The following APOB variants were observed in gnomAD, a reference collection of about 807,000 sequenced individuals.
APOB encodes apolipoprotein B-100.
Under a neutral mutation model 314.1 loss-of-function variants are expected in APOB, and 153 were observed. The observed-to-expected ratio is 0.49, with a 90% CI of 0.43 to 0.56. The LOEUF is 0.56. Among genes scored for constraint, APOB ranks in the 20% least tolerant of loss-of-function variants. APOB has a pLI of 0.00. For missense variants in APOB, 5,430 were observed against 5,350.7 expected (o/e 1.01, Z -0.46); for synonymous variants, 2,087 against 2,036.4 (o/e 1.02, Z -0.67).
In APOB at chr2:21,005,790, G is replaced by A. The variant is rs776068398; in HGVS notation, c.11078C>T (p.Thr3693Ile). Residue 3693 changes from threonine to isoleucine, a missense_variant, in exon 26 of 29, where the codon ACC becomes ATC. Coordinates refer to ENST00000233242, the MANE Select transcript of APOB (RefSeq NM_000384.3). The stretch of plus-strand genomic sequence containing the variant: ...ATGCTGTCTCCTACCAATGCTGGTG[G>A]TTACATCCAGCTTTAGGAAATCCCA... ...SLWDFLKLDV[T>I]TSIGRRQHLR... The A allele has an allele frequency of 1.2e-6, 2 of 1,614,016 alleles. No individual in the cohort carries two copies. Among genetic ancestry groups the A allele is most frequent in the South Asian group, 2.2e-5 (2 of 91,074 alleles).
In APOB at chr2:21,007,082, T is replaced by A. The variant is rs1572779424; in HGVS notation, c.9786A>T (p.Pro3262=). The change falls in exon 26 of 29, where the codon CCA becomes CCT. Residue 3262 remains proline, a synonymous_variant. Transcript: ENST00000233242. ...TVPVVNVEVS[P]FTIEMSAFGY... is the part of the protein sequence containing the mutation. ...CGAATGCCGACATCTCTATGGTGAA[T>A]GGAGACACTTCAACATTGACAACTG... 6.2e-7 allele frequency: 1 copy of A among 1,614,032 alleles called. No homozygotes were observed. The highest frequency in any genetic ancestry group is 8.5e-7 in the Non-Finnish European group (1 of 1,179,942).
At position 21,005,886 on chromosome 2, in the gene APOB, A is replaced by G. The variant is rs377425803; in HGVS notation, c.10982T>C (p.Ile3661Thr). 1.7e-5 allele frequency: 27 copies of G among 1,613,890 alleles called. 1 individual carries two copies. Among genetic ancestry groups the G allele is most frequent in the Non-Finnish European group, 2.2e-5 (26 of 1,179,966 alleles). ...SNDQEKAHLD[I>T]AGSLEGHLRF... ...TAGGTGTCCTTCTAAGGATCCTGCA[A>G]TGTCAAGGTGTGCCTTTTCTTGGTC... The change falls in exon 26 of 29, where the codon ATT becomes ACT. Residue 3661 changes from isoleucine to threonine, a missense_variant. Physicochemically the swap from Ile to Thr is moderately conservative, Grantham distance 89. Coordinates refer to ENST00000233242, the MANE Select transcript of APOB (RefSeq NM_000384.3).
In APOB at chr2:21,009,950, T is replaced by G. The variant is rs764563895; in HGVS notation, c.6918A>C (p.Ser2306=). The G allele has an allele frequency of 3.7e-6, 6 of 1,613,802 alleles. No homozygotes were observed. The South Asian group carries it at 6.6e-5, about 18-fold the overall frequency. Residue 2306 remains serine, a synonymous_variant, in exon 26 of 29, where the codon TCA becomes TCC. Coordinates refer to ENST00000233242, the MANE Select transcript of APOB (RefSeq NM_000384.3). The part of the protein sequence containing the change: ...VLLDQLGTTI[S]FERINDILEH... ...CAAGAATGTCATTTATTCTTTCAAA[T>G]GAAATTGTAGTTCCCAATTGATCTA...
Position 21,043,762 on chromosome 2 carries a change from T to A in APOB, c.82+102A>T. ...ATCCCCCCACTCGCCCTGGACCCTG[T>A]GGCTGCCCTCCCTCTGGCCTAGGCC... On this transcript the variant is annotated intron_variant, in intron 1 of 28. Transcript: ENST00000233242. The A allele has an allele frequency of 2.0e-6, 3 of 1,512,404 alleles. No individual in the cohort carries two copies. In the East Asian group the frequency reaches 7.4e-5, roughly 37 times the overall value. 93.7% of individuals were successfully genotyped at this position (1,512,404 alleles called of 1,614,324 possible). A position where few individuals can be genotyped will look rare whatever the true frequency, so the allele number is the denominator to read the frequency against.
chr2:21,026,724 A>G, intron 15 of APOB, 64 bp downstream of exon 15: 1 of 1,341,618 alleles, frequency 7.5e-7, no homozygotes, highest in Non-Finnish European at 1.1e-6. Flanking sequence ...CCATGCTTAG[A>G]AAAGAATTGT....
chr2:21,003,346 G>GAAA lies in APOB; in HGVS notation c.12088-15_12088-13dup. 1.6e-6 allele frequency: 2 copies of GAAA among 1,260,210 alleles called. No individual in the cohort carries two copies. Among genetic ancestry groups the GAAA allele is most frequent in the Non-Finnish European group, 2.2e-6 (2 of 927,284 alleles). The allele number at this position is 1,260,210 out of a possible 1,614,324, so 78.1% of individuals were successfully genotyped here. On this transcript the variant is annotated splice_polypyrimidine_tract_variant and intron_variant, in intron 28 of 28. Transcript: ENST00000233242. ...TTATCTGGAGAGGACTAAACAGAGA[G>GAAA]AAAAAAAAAAATAACATGTTTTCAA...
Position 21,011,437 on chromosome 2 carries a change from T to C in APOB, c.5431A>G (p.Asn1811Asp). 2.5e-6 allele frequency: 4 copies of C among 1,614,146 alleles called. No individual in the cohort carries two copies. The highest frequency in any genetic ancestry group is 3.4e-6 in the Non-Finnish European group (4 of 1,180,034). Residue 1811 changes from asparagine (N) to aspartate (D), a missense_variant, in exon 26 of 29, where the codon AAT becomes GAT. Asn to Asp is a conservative substitution (Grantham distance 23). Coordinates refer to ENST00000233242, the MANE Select transcript of APOB (RefSeq NM_000384.3). Reference protein sequence around the residue: ...LKYNALDLTNNGKLRLEPLKL... With the variant: ...LKYNALDLTNDGKLRLEPLKL... Reference sequence around the variant, plus strand: ...AGGGGTTCTAGCCGTAGTTTCCCATTGTTGGTGAGATCCAGAGCATTGTAT... The same window carrying C: ...AGGGGTTCTAGCCGTAGTTTCCCATCGTTGGTGAGATCCAGAGCATTGTAT...
At position 21,040,899 on chromosome 2, in the gene APOB, C is replaced by T. The variant is rs551598393; in HGVS notation, c.383+39G>A. On this transcript the variant is annotated intron_variant, in intron 4 of 28. Coordinates refer to ENST00000233242, the MANE Select transcript of APOB (RefSeq NM_000384.3). ...ACACACAAGTTCATACCTCAGCGGA[C>T]ACACACACATGCGTGTGCTCATGTA... 5 of 1,604,704 alleles carry T rather than the reference C, an allele frequency of 3.1e-6. No individual in the cohort carries two copies. In the African/African-American group the frequency reaches 5.3e-5, roughly 17 times the overall value.
chr2:21,014,585 G>A lies in APOB; in HGVS notation c.3705C>T (p.Ser1235=), dbSNP rs774105545. The change falls in exon 24 of 29, where the codon AGC becomes AGT. Residue 1235 remains serine, a synonymous_variant. Transcript: ENST00000233242. ...HVGSKLIVAM[S]SWLQKASGSL... ...TCCCAGATGCCTTCTGAAGCCATGA[G>A]CTCATTGCCTACAAAATGACAGGAG... The A allele has an allele frequency of 2.5e-6, 4 of 1,614,066 alleles. No individual in the cohort carries two copies. Among genetic ancestry groups the A allele is most frequent in the Middle Eastern group, 1.7e-4 (1 of 6,060 alleles).
chr2:21,005,048 G>C, intron 26 of APOB, 32 bp downstream of exon 26: 2 of 1,608,776 alleles, frequency 1.2e-6, no homozygotes, highest in South Asian at 1.1e-5. Flanking sequence ...AAAATATACA[G>C]TATCTAGGAG....
chr2:21,033,503 C>T lies in APOB; in HGVS notation c.920G>A (p.Gly307Asp), dbSNP rs1663930819. ...GGATTTGGTGCTCTCAAATGCGAGGCCCATCTTCTTAGTACCTGGAAGATG... is the reference window on the plus strand; with the variant it reads ...GGATTTGGTGCTCTCAAATGCGAGGTCCATCTTCTTAGTACCTGGAAGATG... The part of the protein sequence containing the change: ...RFFGEGTKKM[G>D]LAFESTKSTS... Residue 307 changes from glycine (G) to aspartate (D), a missense_variant, in exon 9 of 29, where the codon GGC (glycine) becomes GAC (aspartate). This residue lies in a region of APOB where 2,085 missense variants were observed against 2,079.7 expected (regional missense o/e 1.00). Coordinates refer to ENST00000233242, the MANE Select transcript of APOB (RefSeq NM_000384.3). 1 of 1,613,888 alleles carries T rather than the reference C, an allele frequency of 6.2e-7. No individual in the cohort carries two copies. Among genetic ancestry groups the T allele is most frequent in the Admixed American group, 1.7e-5 (1 of 59,990 alleles).
rs1663960956 is a variant in APOB at position 21,034,833 on chromosome 2, C to T, written c.887G>A (p.Ser296Asn). The T allele has an allele frequency of 1.3e-6, 2 of 1,595,022 alleles. No homozygotes were observed. The highest frequency in any genetic ancestry group is 1.7e-5 in the Admixed American group (1 of 60,008). ...ACTCTTACCTTCACCAAAGAAGCGG[C>T]TGTTGATCTTTGGTGTGTCTTCAAG... is the stretch of plus-strand genomic sequence containing the variant. ...LKLEDTPKIN[S>N]RFFGEGTKKM... Residue 296 changes from serine (S) to asparagine (N), a missense_variant, in exon 8 of 29, where the codon AGC becomes AAC. Coordinates refer to ENST00000233242, the MANE Select transcript of APOB (RefSeq NM_000384.3).
chr2:21,029,767 G>A lies in APOB; in HGVS notation c.1489C>T (p.Gln497Ter). 6.2e-7 allele frequency: 1 copy of A among 1,614,142 alleles called. No individual in the cohort carries two copies. The highest frequency in any genetic ancestry group is 2.2e-5 in the East Asian group (1 of 44,886). ...TCTGGAGTTAACTGCTCCATGGTTT[G>A]GCCCATATTTCCAATGACCTGCATT... Reference protein sequence around the residue: ...LILRVIGNMGQTMEQLTPELK... With the variant: ...LILRVIGNMG The change falls in exon 12 of 29, where the codon CAA becomes TAA. Residue 497 changes from glutamine to a stop codon, truncating the protein, a stop_gained. Transcript: ENST00000233242. LOFTEE classifies it high-confidence loss of function.
rs1009546985 is a variant in APOB at position 21,002,143 on chromosome 2, C to T, written c.13279G>A (p.Val4427Ile). The change falls in exon 29 of 29, where the codon GTC becomes ATC. Residue 4427 changes from valine (V) to isoleucine (I), a missense_variant. By Grantham distance (29) the Val-to-Ile change is conservative. Transcript: ENST00000233242. ...ALKDFHSEYI[V>I]SASNFTSQLS... is the part of the protein sequence containing the mutation. ...TGGGAAGTAAAGTTAGAGGCACTGA[C>T]AATATATTCAGAATGGAAGTCCTTA... 3 of 1,613,926 alleles carry T rather than the reference C, an allele frequency of 1.9e-6. No individual in the cohort carries two copies. Among genetic ancestry groups the T allele is most frequent in the East Asian group, 2.2e-5 (1 of 44,872 alleles).
At chr2:21,004,789 A>G (rs1663084369) in intron 26 of APOB, 114 bp from the exon 27 acceptor site, 10 of 858,308 alleles carry the variant, frequency 1.2e-5, no homozygotes, top group Non-Finnish European at 1.5e-5. Flanking sequence ...TGTGTTTAAA[A>G]TATGCAATGT....
chr2:21,014,431 C>T lies in APOB; in HGVS notation c.3842+17G>A. ...ACTTTGCATGGTTCAAGAAGCCTTG[C>T]TGCTTTCTTCTTTTACCTTTTTAAG... On this transcript the variant is annotated intron_variant, in intron 24 of 28. Transcript: ENST00000233242. The T allele has an allele frequency of 6.2e-7, 1 of 1,613,904 alleles. No homozygotes were observed. The highest frequency in any genetic ancestry group is 8.5e-7 in the Non-Finnish European group (1 of 1,179,838).
rs753755024 is a variant in APOB at position 21,010,273 on chromosome 2, C to T, written c.6595G>A (p.Ala2199Thr). 1.3e-6 allele frequency: 2 copies of T among 1,552,426 alleles called. No homozygotes were observed. Among genetic ancestry groups the T allele is most frequent in the South Asian group, 1.2e-5 (1 of 80,658 alleles). ...YDLHDLKIAIANIIDEIIEKL... is the reference protein window; with the variant it reads ...YDLHDLKIAITNIIDEIIEKL... ...TCAATGATTTCATCAATAATATTAGCAATAGCTATTTTCAAATCATGTAAA... is the reference window on the plus strand; with the variant it reads ...TCAATGATTTCATCAATAATATTAGTAATAGCTATTTTCAAATCATGTAAA... Residue 2199 changes from alanine (A) to threonine (T), a missense_variant, in exon 26 of 29, where the codon GCT becomes ACT. Ala to Thr is a moderately conservative substitution (Grantham distance 58, BLOSUM62 0). This residue lies in a region of APOB where 3,281 missense variants were observed against 3,171.0 expected (regional missense o/e 1.03). Coordinates refer to ENST00000233242, the MANE Select transcript of APOB (RefSeq NM_000384.3).
In APOB at chr2:21,005,725, T is replaced by C. The variant is rs762817638; in HGVS notation, c.11143A>G (p.Asn3715Asp). 2 of 1,613,922 alleles carry C rather than the reference T, an allele frequency of 1.2e-6. No individual in the cohort carries two copies. Among genetic ancestry groups the C allele is most frequent in the Non-Finnish European group, 1.7e-6 (2 of 1,179,950 alleles). Reference protein sequence around the residue: ...STAFVYTKNPNGYSFSIPVKV... With the variant: ...STAFVYTKNPDGYSFSIPVKV... ...ACAGGGATGGAGAATGAATAGCCAT[T>C]GGGGTTTTTGGTGTACACAAAGGCA... The change falls in exon 26 of 29, where the codon AAT (asparagine) becomes GAT (aspartate). Residue 3715 changes from asparagine (N) to aspartate (D), a missense_variant. Around this residue, in one of 3 missense-constraint regions of APOB, gnomAD observed 3,281 missense variants for 3,171.0 expected, o/e 1.03. Coordinates refer to ENST00000233242, the MANE Select transcript of APOB (RefSeq NM_000384.3).
In APOB at chr2:21,006,630, G is replaced by A. The variant is rs1663148967; in HGVS notation, c.10238C>T (p.Thr3413Ile). Residue 3413 changes from threonine to isoleucine, a missense_variant, in exon 26 of 29, where the codon ACT becomes ATT. By Grantham distance (89) the Thr-to-Ile change is moderately conservative. This residue lies in a region of APOB where 3,281 missense variants were observed against 3,171.0 expected (regional missense o/e 1.03). Transcript: ENST00000233242. ...CATATTTTTCGTGGTTAAGCTCACA[G>A]TACTGTTATGACTACCCTCCACAAA... ...NKFVEGSHNS[T>I]VSLTTKNMEV... The A allele has an allele frequency of 6.2e-7, 1 of 1,614,044 alleles. No individual in the cohort carries two copies. Among genetic ancestry groups the A allele is most frequent in the Non-Finnish European group, 8.5e-7 (1 of 1,179,920 alleles).
Sources: gnomAD v4.1 joint callset for allele counts on GRCh38, gnomAD v4.1.1 for gene constraint, gnomAD v4.1.1 regional missense constraint, MANE v1.5 for transcripts, NCBI Gene and HGNC (gene_info 2026-07-23, HGNC 2026-07-21) for gene names.